Variants in ELL observed in about 807,000 individuals in gnomAD.
The protein encoded by ELL is elongation factor for RNA polymerase II, also known as RNA polymerase II elongation factor ELL.
In ELL, 18 loss-of-function variants were observed where a neutral mutation model predicts 64.0. The observed-to-expected ratio is 0.28, with a 90% confidence interval of 0.19 to 0.42. The LOEUF (loss-of-function observed/expected upper bound fraction) is 0.42. ELL is among the 10% of genes least tolerant of loss of function. The pLI is 1.00. For synonymous variants in ELL, 399 were observed against 376.2 expected (o/e 1.06, Z -0.70); for missense variants, 797 against 870.4 (o/e 0.92, Z 1.06).
chr19:18,463,404 A>C (rs1359898112), intron 4 of ELL, among the ~76,000 whole-genome samples: 1 of 137,920 alleles, frequency 7.3e-6, no homozygotes, highest in East Asian at 2.1e-4. Context: ...GCACAATCTC[A>C]GCTCACTGCA....
intron 4 of ELL, among the ~76,000 whole-genome samples, chr19:18,464,520 C>A (rs1351275547): frequency 6.6e-6 from 1 of 152,164 alleles, no homozygotes; most frequent in Non-Finnish European, 1.5e-5. Flanking sequence ...TCAGTGTTGA[C>A]CAGGAAGACC....
chr19:18,450,759 C>G lies in ELL; in HGVS notation c.1183G>C (p.Asp395His). 1 of 1,579,770 alleles carries G rather than the reference C, an allele frequency of 6.3e-7. No homozygotes were observed. The highest frequency in any genetic ancestry group is 2.3e-5 in the East Asian group (1 of 43,818). Residue 395 changes from aspartate (D) to histidine (H), a missense_variant, in exon 8 of 12, where the codon GAC (aspartate) becomes CAC (histidine). Transcript: ENST00000262809. ...TCATTGCTGACATCGGCCAGGGGGT[C>G]GTGGGCCCTCGGGGGCTCCAGCCGC... The part of the protein sequence containing the change: ...PPRLEPPRAH[D>H]PLADVSNDLG...
chr19:18,520,028 A>G (rs542890250), intron 1 of ELL, among the ~76,000 whole-genome samples: 1 of 152,300 alleles, frequency 6.6e-6, no homozygotes, highest in East Asian at 1.9e-4. Flanking sequence ...GGAGTTTAAC[A>G]GTCCACAGTT....
chr19:18,451,868 C>T (rs1974546579), intron 6 of ELL, among the ~76,000 whole-genome samples: 1 of 152,202 alleles, frequency 6.6e-6, no homozygotes, highest in Non-Finnish European at 1.5e-5. Flanking sequence ...CCCCCTGAGC[C>T]CAGAGGAGGA....
rs1404639489 is a variant in ELL, at chr19:18,451,100, C to A, written c.967-125G>T. ...GGCCCACGCTGGCCACATGGGGGCG[C>A]CCGAGCACCAAGTCAGGTCCCAGGT... is the stretch of plus-strand genomic sequence containing the variant. On this transcript the variant is annotated intron_variant, in intron 7 of 11. Transcript: ENST00000262809. The A allele has an allele frequency of 6.0e-6, 8 of 1,324,714 alleles. No homozygotes were observed. The East Asian group carries it at 7.9e-5, about 13-fold the overall frequency. 82.1% of individuals were successfully genotyped at this position (1,324,714 alleles called of 1,614,324 possible).
intron 1 of ELL, among the ~76,000 whole-genome samples, chr19:18,515,500 T>C (rs973392698): frequency 1.3e-5 from 2 of 152,198 alleles, no homozygotes; most frequent in African/African-American, 2.4e-5. Context: ...TCTCCACCCA[T>C]ATCCTCACCT....
chr19:18,452,859 G>A (rs1974567609), intron 6 of ELL, among the ~76,000 whole-genome samples: 1 of 152,386 alleles, frequency 6.6e-6, no homozygotes, highest in South Asian at 2.1e-4. Flanking sequence ...GCCCCAAGCT[G>A]TGCAGTGTCC....
At chr19:18,475,612 G>C (rs1005131550) in intron 1 of ELL, among the ~76,000 whole-genome samples, 11 of 152,208 alleles carry the variant, frequency 7.2e-5, no homozygotes, top group Non-Finnish European at 1.3e-4. Flanking sequence ...CTGGTGGAGA[G>C]AGAATCAAAC....
intron 4 of ELL, among the ~76,000 whole-genome samples, chr19:18,462,848 C>G (rs959843498): frequency 3.9e-5 from 6 of 152,220 alleles, no homozygotes; most frequent in African/African-American, 1.2e-4. Flanking sequence ...CTTTCAGCAG[C>G]TGCTCTGAAG....
intron 1 of ELL, among the ~76,000 whole-genome samples, chr19:18,493,045 G>C (rs1372117546): frequency 6.6e-6 from 1 of 152,040 alleles, no homozygotes; most frequent in Non-Finnish European, 1.5e-5. Context: ...CTAATCCCCA[G>C]GTGGCTTCTA....
intron 6 of ELL, among the ~76,000 whole-genome samples, chr19:18,457,605 T>C (rs1364199011): frequency 6.6e-6 from 1 of 152,188 alleles, no homozygotes; most frequent in Non-Finnish European, 1.5e-5. Context: ...AATTAGCAGA[T>C]TGACCTGCTT....
chr19:18,466,205 T>C (rs1011037201), intron 2 of ELL, among the ~76,000 whole-genome samples: 1 of 152,190 alleles, frequency 6.6e-6, no homozygotes, highest in Non-Finnish European at 1.5e-5. Flanking sequence ...GCTCAGCACC[T>C]GCCCAGATGC....
intron 1 of ELL, among the ~76,000 whole-genome samples, chr19:18,491,488 G>A (rs1256864025): frequency 1.3e-5 from 2 of 152,006 alleles, no homozygotes; most frequent in Non-Finnish European, 2.9e-5. Flanking sequence ...TCGAAGGCCT[G>A]GAGGGCCTCT....
intron 1 of ELL, among the ~76,000 whole-genome samples, chr19:18,474,294 C>G (rs1975130242): frequency 6.6e-6 from 1 of 152,222 alleles, no homozygotes; most frequent in South Asian, 2.1e-4. Flanking sequence ...CAGCTTAGAC[C>G]ACGCAGCTGT....
chr19:18,451,182 G>A (rs115380401), intron 7 of ELL, among the ~76,000 whole-genome samples: 2,750 of 152,342 alleles, frequency 0.018, 81 homozygotes, highest in African/African-American at 0.063. Flanking sequence ...GATGCAGGGG[G>A]AGGGCAGGGC....
rs1021330265 is a variant in ELL at position 18,466,815 on chromosome 19, G to T, written c.184-897C>A. Among the ~76,000 whole-genome samples, 7 of 152,316 alleles carry T rather than the reference G, an allele frequency of 4.6e-5. No individual in the cohort carries two copies. In the South Asian group the frequency reaches 1.4e-3, roughly 32 times the overall value. ...TAGTCCACAAGGAGGGGACAACATG[G>T]GGGGAGCCCTCAGGTCTTGTCCCCT... On this transcript the variant is annotated intron_variant, in intron 2 of 11. Coordinates refer to ENST00000262809, the MANE Select transcript of ELL (RefSeq NM_006532.4).
intron 1 of ELL, among the ~76,000 whole-genome samples, chr19:18,516,521 G>T (rs985133738): frequency 6.6e-6 from 1 of 151,788 alleles, no homozygotes; most frequent in South Asian, 2.1e-4. Flanking sequence ...ATGTCAGCTC[G>T]TGACATGAGG....
intron 1 of ELL, among the ~76,000 whole-genome samples, chr19:18,503,302 C>T (rs968151789): frequency 6.6e-6 from 1 of 152,196 alleles, no homozygotes; most frequent in African/African-American, 2.4e-5. Context: ...AAGAAGGTGA[C>T]AGAGTTTTTC....
chr19:18,518,457 T>A (rs1976177355), intron 1 of ELL, among the ~76,000 whole-genome samples: 1 of 139,644 alleles, frequency 7.2e-6, no homozygotes, highest in South Asian at 2.3e-4. Flanking sequence ...GCCATTGCAC[T>A]CCAGCCTGGA....
Sources: allele counts gnomAD v4.1 joint callset (sites outside exome capture counted in the v4.1 genomes callset), GRCh38; gene constraint gnomAD v4.1.1; transcripts MANE v1.5; gene names NCBI Gene and HGNC (gene_info 2026-07-23, HGNC 2026-07-21).